OPCML: variants seen among roughly 807,000 people sequenced by gnomAD.
OPCML encodes opioid-binding protein/cell adhesion molecule.
Under a neutral mutation model 37.8 loss-of-function variants are expected in OPCML, and 13 were observed. That is an observed-to-expected ratio of 0.34 (90% CI 0.22 to 0.55). OPCML has a LOEUF of 0.55. Among genes scored for constraint, OPCML ranks in the 20% least tolerant of loss-of-function variants. The pLI, the probability that OPCML is intolerant of heterozygous loss-of-function variation, is 0.91. For missense variants in OPCML, 341 were observed against 435.6 expected (o/e 0.78, Z 1.93); for synonymous variants, 176 against 168.8 (o/e 1.04, Z -0.33).
At chr11:133,528,260 C>G (rs1948528635) in intron 1 of OPCML, among the ~76,000 whole-genome samples, 1 of 152,214 alleles carries the variant, frequency 6.6e-6, no homozygotes, top group African/African-American at 2.4e-5. Context: ...TGGGCCCATG[C>G]TGAATGCAGA....
At chr11:132,962,116 T>G (rs1946105361) in intron 1 of OPCML, among the ~76,000 whole-genome samples, 1 of 152,268 alleles carries the variant, frequency 6.6e-6, no homozygotes, top group African/African-American at 2.4e-5. Context: ...AGTGCATGTT[T>G]GCTAAATGAA....
chr11:132,737,305 G>A (rs1046358408), intron 2 of OPCML, among the ~76,000 whole-genome samples: 18 of 152,134 alleles, frequency 1.2e-4, no homozygotes, highest in East Asian at 1.9e-4. Flanking sequence ...TTTTTGTCCC[G>A]TAGTACTTAT....
chr11:133,499,959 C>G lies in OPCML; in HGVS notation c.61+32305G>C, dbSNP rs185496040. On this transcript the variant is annotated intron_variant, in intron 1 of 7. Coordinates refer to ENST00000524381, the MANE Select transcript of OPCML (RefSeq NM_001012393.5). Reference sequence around the variant, plus strand: ...AGATCTCGGCTCACTGCAACCTCCGCCCCCCGGGTTCAAGCAATTCTCCTG... The same window carrying G: ...AGATCTCGGCTCACTGCAACCTCCGGCCCCCGGGTTCAAGCAATTCTCCTG... Among the ~76,000 whole-genome samples the G allele has an allele frequency of 2.7e-5, 4 of 147,662 alleles. No homozygotes were observed. In the East Asian group the frequency reaches 6.0e-4, roughly 22 times the overall value.
chr11:133,250,682 A>C (rs1476625824), intron 1 of OPCML, among the ~76,000 whole-genome samples: 2 of 152,246 alleles, frequency 1.3e-5, no homozygotes, highest in Non-Finnish European at 2.9e-5. Flanking sequence ...GCTGTATTAG[A>C]CTGAAAGAAT....
At position 133,439,292 on chromosome 11, in the gene OPCML, GTTT is replaced by G. The variant is rs61423385; in HGVS notation, c.61+92969_61+92971del. The stretch of plus-strand genomic sequence containing the variant: ...TGTTGGTGTCCAGAGAGTAAAAGAT[GTTT>G]TTTTTTTTTTTTTAAAGCCAACCTC... On this transcript the variant is annotated intron_variant, in intron 1 of 7. Transcript: ENST00000524381. 0.028 allele frequency: 24,653 copies of G among 879,704 alleles called. 3,743 individuals carry two copies. The African/African-American group carries it at 0.4, about 14-fold the overall frequency. 54.5% of individuals were successfully genotyped at this position (879,704 alleles called of 1,614,324 possible). A position where few individuals can be genotyped will look rare whatever the true frequency, so the allele number is the denominator to read the frequency against.
intron 2 of OPCML, among the ~76,000 whole-genome samples, chr11:132,915,458 T>C (rs1944575404): frequency 6.6e-6 from 1 of 152,208 alleles, no homozygotes; most frequent in Admixed American, 6.5e-5. Context: ...CCACTCCTTC[T>C]GGGATTGGAC....
chr11:133,018,361 C>T (rs1453121284), intron 1 of OPCML, among the ~76,000 whole-genome samples: 1 of 152,130 alleles, frequency 6.6e-6, no homozygotes, highest in African/African-American at 2.4e-5. Context: ...TCTTTCTCCT[C>T]TTTTGTCCTT....
chr11:133,474,425 T>C (rs1591540373), intron 1 of OPCML, among the ~76,000 whole-genome samples: 1 of 152,232 alleles, frequency 6.6e-6, no homozygotes, highest in Admixed American at 6.5e-5. Context: ...CTGTTATCAA[T>C]CACCAGCTGT....
At chr11:132,832,734 G>A (rs1287924420) in intron 2 of OPCML, among the ~76,000 whole-genome samples, 2 of 152,182 alleles carry the variant, frequency 1.3e-5, no homozygotes, top group Non-Finnish European at 2.9e-5. Flanking sequence ...TCAACAGAGT[G>A]TACATACACA....
At position 133,475,152 on chromosome 11, in the gene OPCML, T is replaced by C. The variant is rs143108444; in HGVS notation, c.61+57112A>G. Reference sequence around the variant, plus strand: ...ATAGTATTCCTACACAACTGAATGTTTCAGAAATGTTTGTTTTTTATTTTT... The same window carrying C: ...ATAGTATTCCTACACAACTGAATGTCTCAGAAATGTTTGTTTTTTATTTTT... On this transcript the variant is annotated intron_variant, in intron 1 of 7. Coordinates refer to ENST00000524381, the MANE Select transcript of OPCML (RefSeq NM_001012393.5). 1.5e-3 allele frequency among the ~76,000 whole-genome samples: 228 copies of C among 152,326 alleles called. 1 individual carries two copies. The highest frequency in any genetic ancestry group is 6.8e-3 in the Middle Eastern group (2 of 294).
intron 4 of OPCML, among the ~76,000 whole-genome samples, chr11:132,506,069 C>T (rs542814700): frequency 6.6e-6 from 1 of 152,236 alleles, no homozygotes; most frequent in East Asian, 1.9e-4. Context: ...GAAAAGAAGA[C>T]CTCAGCTTGC....
chr11:132,820,866 A>T (rs1419633351), intron 2 of OPCML, among the ~76,000 whole-genome samples: 1 of 152,122 alleles, frequency 6.6e-6, no homozygotes, highest in East Asian at 1.9e-4. Context: ...CTCCCCGAAA[A>T]CTTGTCCCTC....
intron 1 of OPCML, among the ~76,000 whole-genome samples, chr11:133,441,881 G>C (rs7127798): frequency 6.6e-6 from 1 of 151,860 alleles, no homozygotes; most frequent in Admixed American, 6.5e-5. Flanking sequence ...AAAGAACTCA[G>C]CAGAACAGAA....
At chr11:133,520,786 C>A (rs1948381677) in intron 1 of OPCML, among the ~76,000 whole-genome samples, 1 of 152,152 alleles carries the variant, frequency 6.6e-6, no homozygotes, top group East Asian at 1.9e-4. Flanking sequence ...CGTGTTGGAG[C>A]TCTTTCTGAA....
chr11:132,434,103 A>T (rs2096005825), intron 7 of OPCML, among the ~76,000 whole-genome samples: 1 of 152,038 alleles, frequency 6.6e-6, no homozygotes, highest in African/African-American at 2.4e-5. Context: ...CAGCAATCCC[A>T]CCAACCATGG....
chr11:133,121,073 T>C lies in OPCML; in HGVS notation c.62-178063A>G, dbSNP rs539063158. Reference sequence around the variant, plus strand: ...AAGTAGCTGGGACTACAGGTGCGTGTCACCATGTCTGGCTAATTTTTATAT... The same window carrying C: ...AAGTAGCTGGGACTACAGGTGCGTGCCACCATGTCTGGCTAATTTTTATAT... On this transcript the variant is annotated intron_variant, in intron 1 of 7. Coordinates refer to ENST00000524381, the MANE Select transcript of OPCML (RefSeq NM_001012393.5). 2.0e-5 allele frequency among the ~76,000 whole-genome samples: 3 copies of C among 152,218 alleles called. No homozygotes were observed. In the East Asian group the frequency reaches 5.8e-4, roughly 30 times the overall value.
chr11:132,487,614 T>C (rs982254789), intron 4 of OPCML, among the ~76,000 whole-genome samples: 1 of 152,212 alleles, frequency 6.6e-6, no homozygotes. Flanking sequence ...TCCTCTTTGC[T>C]ACTATGAATG....
At chr11:133,272,593 G>A (rs778444725) in intron 1 of OPCML, among the ~76,000 whole-genome samples, 5 of 152,198 alleles carry the variant, frequency 3.3e-5, no homozygotes, top group South Asian at 4.1e-4. Flanking sequence ...GCCCGGGGAC[G>A]CTCGGGGCAG....
chr11:132,424,948 C>A lies in OPCML; in HGVS notation c.917-4655G>T, dbSNP rs148011760. ...AAAGAGGTGAGATAGCTTAAGATTG[C>A]AGCTGAGAGAGACCACTGGCTGTGA... On this transcript the variant is annotated intron_variant, in intron 7 of 7. Coordinates refer to ENST00000524381, the MANE Select transcript of OPCML (RefSeq NM_001012393.5). Among the ~76,000 whole-genome samples the A allele has an allele frequency of 2.3e-3, 357 of 152,270 alleles. 3 individuals are homozygous for A. The highest frequency in any genetic ancestry group is 4.2e-3 in the South Asian group (20 of 4,814).
Sources: gnomAD v4.1 joint callset for allele counts (sites outside exome capture counted in the v4.1 genomes callset) on GRCh38, gnomAD v4.1.1 for gene constraint, MANE v1.5 for transcripts, NCBI Gene and HGNC (gene_info 2026-07-23, HGNC 2026-07-21) for gene names.